Variants in ACBD6 observed in about 807,000 individuals in gnomAD.
The protein encoded by ACBD6 is acyl-CoA binding domain containing 6.
A neutral mutation model predicts 37.2 loss-of-function variants in ACBD6; 28 were observed. The ratio of observed to expected loss-of-function variants is 0.75; its 90% confidence interval spans 0.56 to 1.03. ACBD6 has a LOEUF of 1.03. ACBD6 is among the 50% of genes least tolerant of loss of function. The pLI is 0.00. For missense variants in ACBD6, 340 were observed against 337.4 expected (o/e 1.01, Z -0.06); for synonymous variants, 113 against 126.8 (o/e 0.89, Z 0.73).
intron 3 of ACBD6, among the ~76,000 whole-genome samples, chr1:180,450,485 G>A (rs1005210396): frequency 2.6e-5 from 4 of 152,176 alleles, no homozygotes; most frequent in African/African-American, 9.7e-5. Flanking sequence ...TCGGCCGGGT[G>A]CAGTGGCCCA....
intron 6 of ACBD6, among the ~76,000 whole-genome samples, chr1:180,365,341 A>G (rs1415822156): frequency 6.6e-6 from 1 of 152,180 alleles, no homozygotes; most frequent in Admixed American, 6.5e-5. Context: ...TTTATATGAA[A>G]TTAACTGACA....
Position 180,349,024 on chromosome 1 carries a change from G to A in ACBD6, c.664-34302C>T, listed in dbSNP as rs151292154. Among the ~76,000 whole-genome samples, 14 of 151,326 alleles carry A rather than the reference G, an allele frequency of 9.3e-5. No individual in the cohort carries two copies. The East Asian group carries it at 2.8e-3, about 30-fold the overall frequency. On this transcript the variant is annotated intron_variant, in intron 6 of 7. Transcript: ENST00000367595. ...AATGTTATTCACAGCATTTATAGGC[G>A]AAGGGGCAATTTTTTCCTGAGTTTT...
chr1:180,382,114 C>CAAAAA (rs59973107), intron 6 of ACBD6, among the ~76,000 whole-genome samples: 2 of 112,160 alleles, frequency 1.8e-5, no homozygotes, highest in East Asian at 2.6e-4. Flanking sequence ...GACTGCATCT[C>CAAAAA]AAAAAAAAAA....
At chr1:180,400,666 T>A (rs1342206158) in intron 5 of ACBD6, among the ~76,000 whole-genome samples, 1 of 152,196 alleles carries the variant, frequency 6.6e-6, no homozygotes, top group Non-Finnish European at 1.5e-5. Context: ...CTTCAAATTA[T>A]AAAATTCCTA....
intron 7 of ACBD6, among the ~76,000 whole-genome samples, chr1:180,299,087 T>C (rs1172534083): frequency 6.6e-6 from 1 of 152,256 alleles, no homozygotes; most frequent in Non-Finnish European, 1.5e-5. Context: ...GAGTATATGC[T>C]TCTTTTTGTA....
At chr1:180,450,003 A>AC (rs906256106) in intron 3 of ACBD6, among the ~76,000 whole-genome samples, 12 of 149,626 alleles carry the variant, frequency 8.0e-5, no homozygotes, top group Middle Eastern at 6.8e-3. Context: ...CACATTCAGG[A>AC]CCCCCCCACC....
At chr1:180,299,618 C>T (rs1650051478) in intron 7 of ACBD6, among the ~76,000 whole-genome samples, 1 of 151,686 alleles carries the variant, frequency 6.6e-6, no homozygotes, top group Non-Finnish European at 1.5e-5. Context: ...TGCCCTGTAA[C>T]AGTGTGGAGG....
intron 7 of ACBD6, among the ~76,000 whole-genome samples, chr1:180,299,211 T>G (rs532124008): frequency 2.0e-5 from 3 of 152,304 alleles, no homozygotes; most frequent in East Asian, 3.9e-4. Flanking sequence ...TAATGTAGAG[T>G]CATCTTTCAG....
chr1:180,290,197 C>T lies in ACBD6; in HGVS notation c.695-1680G>A, dbSNP rs575922657. Among the ~76,000 whole-genome samples the T allele has an allele frequency of 3.9e-5, 6 of 152,222 alleles. No homozygotes were observed. The South Asian group carries it at 1.2e-3, about 32-fold the overall frequency. On this transcript the variant is annotated intron_variant, in intron 7 of 7. Coordinates refer to ENST00000367595, the MANE Select transcript of ACBD6 (RefSeq NM_032360.4). ...AGAAAGGGTATGGAGCTGAATTTCA[C>T]GGACTTTTTGAGACAGGGTCTGGCT...
chr1:180,455,123 A>G (rs1393029683), intron 3 of ACBD6, among the ~76,000 whole-genome samples: 1 of 152,200 alleles, frequency 6.6e-6, no homozygotes, highest in African/African-American at 2.4e-5. Context: ...ACCAACTCAA[A>G]TGCCCATCAG....
At chr1:180,399,216 T>C (rs1374351598) in intron 5 of ACBD6, among the ~76,000 whole-genome samples, 1 of 152,044 alleles carries the variant, frequency 6.6e-6, no homozygotes, top group Non-Finnish European at 1.5e-5. Context: ...AGTATCAAAA[T>C]AAAAAAAATT....
At chr1:180,442,202 A>G (rs541941090) in intron 3 of ACBD6, among the ~76,000 whole-genome samples, 1 of 151,488 alleles carries the variant, frequency 6.6e-6, no homozygotes, top group South Asian at 2.1e-4. Context: ...TTTGTTATGT[A>G]TTGTATGGTT....
At chr1:180,318,071 G>A (rs897728952) in intron 6 of ACBD6, among the ~76,000 whole-genome samples, 9 of 150,956 alleles carry the variant, frequency 6.0e-5, no homozygotes, top group African/African-American at 2.2e-4. Context: ...CCAGCTACTC[G>A]GGATTGCTTG....
chr1:180,434,122 T>C (rs1032738565), intron 3 of ACBD6, among the ~76,000 whole-genome samples: 1 of 152,180 alleles, frequency 6.6e-6, no homozygotes, highest in African/African-American at 2.4e-5. Context: ...GTTCAGGCCA[T>C]GATGGGAAGT....
chr1:180,462,689 A>C (rs1194186879), intron 3 of ACBD6, among the ~76,000 whole-genome samples: 1 of 152,222 alleles, frequency 6.6e-6, no homozygotes, highest in Non-Finnish European at 1.5e-5. Context: ...AAAAATTAAC[A>C]AAGAAATTCA....
chr1:180,463,838 CA>C (rs1393217105), intron 3 of ACBD6, among the ~76,000 whole-genome samples: 1 of 152,154 alleles, frequency 6.6e-6, no homozygotes, highest in African/African-American at 2.4e-5. Flanking sequence ...TCCAGCAGCA[CA>C]TCAAAAAGCT....
chr1:180,427,916 C>CT (rs1648653337), intron 4 of ACBD6, among the ~76,000 whole-genome samples: 1 of 119,288 alleles, frequency 8.4e-6, no homozygotes, highest in Non-Finnish European at 1.6e-5. Flanking sequence ...AAGACTCTGT[C>CT]TCAAAAAAAA....
chr1:180,493,799 C>T (rs570373036), intron 2 of ACBD6, among the ~76,000 whole-genome samples: 38 of 152,290 alleles, frequency 2.5e-4, no homozygotes, highest in African/African-American at 8.7e-4. Context: ...CATGTATCTT[C>T]AGCTTTTTTG....
intron 3 of ACBD6, among the ~76,000 whole-genome samples, chr1:180,460,158 T>G (rs1571540305): frequency 7.5e-6 from 1 of 134,072 alleles, no homozygotes; most frequent in African/African-American, 2.7e-5. Flanking sequence ...TAGGCCCCGG[T>G]GTGTGATGTT....
Sources: gnomAD v4.1 joint callset for allele counts (sites outside exome capture counted in the v4.1 genomes callset) on GRCh38, gnomAD v4.1.1 for gene constraint, MANE v1.5 for transcripts, NCBI Gene and HGNC (gene_info 2026-07-23, HGNC 2026-07-21) for gene names.